The following ABCC12 variants were observed in gnomAD, a reference collection of about 807,000 sequenced individuals.
ABCC12 encodes the protein ATP binding cassette subfamily C member 12, also known as ATP-binding cassette sub-family C member 12.
A neutral mutation model predicts 151.1 loss-of-function variants in ABCC12; 142 were observed. That is an observed-to-expected ratio of 0.94 (90% CI 0.82 to 1.08). The LOEUF is 1.08. Ranked by LOEUF, ABCC12 falls within the 50% of genes least tolerant of loss-of-function variation. The pLI, the probability that ABCC12 is intolerant of heterozygous loss-of-function variation, is 0.00. For synonymous variants in ABCC12, 645 were observed against 646.4 expected (o/e 1.00, Z 0.03); for missense variants, 1,638 against 1,691.1 (o/e 0.97, Z 0.55).
chr16:48,142,351 G>A (rs2150675553), intron 4 of ABCC12, among the ~76,000 whole-genome samples: 1 of 152,336 alleles, frequency 6.6e-6, no homozygotes, highest in South Asian at 2.1e-4. Context: ...GTCAGCATGT[G>A]TTTGGTGTTT....
intron 21 of ABCC12, among the ~76,000 whole-genome samples, chr16:48,104,823 C>T (rs1224634093): frequency 6.6e-6 from 1 of 152,236 alleles, no homozygotes; most frequent in Admixed American, 6.5e-5. Context: ...CTGGAAGGAT[C>T]TCTTGAGGGC....
chr16:48,103,216 G>A (rs1471882777), intron 22 of ABCC12, among the ~76,000 whole-genome samples: 1 of 152,070 alleles, frequency 6.6e-6, no homozygotes, highest in Non-Finnish European at 1.5e-5. Flanking sequence ...CACTGGCTGG[G>A]CACGTCTAGG....
Position 48,128,519 on chromosome 16 carries a change from T to C in ABCC12, c.1455A>G (p.Pro485=), listed in dbSNP as rs144285783. The C allele has an allele frequency of 2.7e-5, 43 of 1,614,146 alleles. No homozygotes were observed. Among genetic ancestry groups the C allele is most frequent in the Non-Finnish European group, 3.6e-5 (42 of 1,180,050 alleles). Residue 485 remains proline, a synonymous_variant, in exon 11 of 31, where the codon CCA becomes CCG. Coordinates refer to ENST00000311303, the MANE Select transcript of ABCC12 (RefSeq NM_001393797.1). ...RSPPAKGATG[P]EEQSDSLKSV... is the part of the protein sequence containing the mutation. ...ATTTGAGGCTGTCACTTTGCTCCTC[T>C]GGGCCAGTGGCTCCCTTGGCTGGTG... is the stretch of plus-strand genomic sequence containing the variant.
intron 14 of ABCC12, among the ~76,000 whole-genome samples, chr16:48,116,671 C>G (rs548849266): frequency 6.6e-6 from 1 of 152,160 alleles, no homozygotes; most frequent in Admixed American, 6.5e-5. Context: ...TAGAGAAAGA[C>G]ACCCCAAACT....
chr16:48,140,703 T>G lies in ABCC12; in HGVS notation c.641A>C (p.His214Pro). 1 of 1,614,096 alleles carries G rather than the reference T, an allele frequency of 6.2e-7. No homozygotes were observed. Among genetic ancestry groups the G allele is most frequent in the Non-Finnish European group, 8.5e-7 (1 of 1,179,976 alleles). The change falls in exon 6 of 31, where the codon CAC (histidine) becomes CCC (proline). Residue 214 changes from histidine to proline, a missense_variant. By Grantham distance (77) the His-to-Pro change is moderately conservative (BLOSUM62 -2). Coordinates refer to ENST00000311303, the MANE Select transcript of ABCC12 (RefSeq NM_001393797.1). ...CCAGCTTACCTCGCCAACAGAGATG[T>G]GGGTCAATGTCTTGAAGGACACTAG... ...ENLVSFKTLT[H>P]ISVGEVLNIL...
chr16:48,127,588 G>GTTAAATAGCTA (rs1354489288), intron 11 of ABCC12, among the ~76,000 whole-genome samples: 2 of 152,226 alleles, frequency 1.3e-5, no homozygotes, highest in East Asian at 3.8e-4. Context: ...TGCTAGCTAT[G>GTTAAATAGCTA]TGACCTTGGG....
At chr16:48,088,390 A>T (rs1176146959) in intron 26 of ABCC12, among the ~76,000 whole-genome samples, 155 bp downstream of exon 26, 1 of 152,240 alleles carries the variant, frequency 6.6e-6, no homozygotes, top group Non-Finnish European at 1.5e-5. Flanking sequence ...ACACCCATTC[A>T]ACCTGAAATC....
At chr16:48,147,914 T>G (rs529696199) in intron 2 of ABCC12, among the ~76,000 whole-genome samples, 2 of 152,324 alleles carry the variant, frequency 1.3e-5, no homozygotes, top group South Asian at 4.1e-4. Flanking sequence ...TGAAAAGCTC[T>G]TTAATCATTG....
chr16:48,109,077 A>G (rs1394491951), intron 18 of ABCC12, among the ~76,000 whole-genome samples: 1 of 152,192 alleles, frequency 6.6e-6, no homozygotes, highest in Non-Finnish European at 1.5e-5. Flanking sequence ...CCGTACTTCC[A>G]GCTTGACATT....
intron 12 of ABCC12, among the ~76,000 whole-genome samples, chr16:48,123,300 C>T (rs1479330030): frequency 6.6e-6 from 1 of 152,146 alleles, no homozygotes; most frequent in African/African-American, 2.4e-5. Flanking sequence ...ACCTCTATGG[C>T]TCACGCTGAC....
intron 23 of ABCC12, among the ~76,000 whole-genome samples, chr16:48,098,112 C>T (rs1963169008): frequency 6.6e-6 from 1 of 151,364 alleles, no homozygotes; most frequent in African/African-American, 2.4e-5. Context: ...CACACACACA[C>T]ACACACACAC....
Position 48,101,013 on chromosome 16 carries a change from G to C in ABCC12, c.2901-4C>G. The stretch of plus-strand genomic sequence containing the variant: ...CTGGACTCCTCTGTGGAAAATGCTG[G>C]AAGAAAATTGAAAGGGGCCAGGTGG... On this transcript the variant is annotated splice_polypyrimidine_tract_variant and splice_region_variant and intron_variant, in intron 22 of 30. Transcript: ENST00000311303. 6.2e-7 allele frequency: 1 copy of C among 1,613,676 alleles called. No individual in the cohort carries two copies. The highest frequency in any genetic ancestry group is 8.5e-7 in the Non-Finnish European group (1 of 1,179,774).
chr16:48,098,070 A>G (rs1963165913), intron 23 of ABCC12, among the ~76,000 whole-genome samples: 1 of 145,878 alleles, frequency 6.9e-6, no homozygotes, highest in African/African-American at 2.6e-5. Context: ...GTGCTTCTCA[A>G]TTGCAAGCCT....
chr16:48,152,943 C>T (rs553324399), intron 2 of ABCC12, among the ~76,000 whole-genome samples: 1 of 152,254 alleles, frequency 6.6e-6, no homozygotes, highest in South Asian at 2.1e-4. Flanking sequence ...GATGCTTGAC[C>T]AGAAGAAAAT....
Position 48,096,733 on chromosome 16 carries a change from C to T in ABCC12, c.3195+13G>A. 1 of 1,613,718 alleles carries T rather than the reference C, an allele frequency of 6.2e-7. No homozygotes were observed. Among genetic ancestry groups the T allele is most frequent in the Non-Finnish European group, 8.5e-7 (1 of 1,179,696 alleles). ...AGCCTCCAGACTAAGCCCAACTTTG[C>T]ACCAGGCATTACCTGGATGATGTAT... is the stretch of plus-strand genomic sequence containing the variant. On this transcript the variant is annotated intron_variant, in intron 24 of 30. Transcript: ENST00000311303.
intron 11 of ABCC12, among the ~76,000 whole-genome samples, chr16:48,127,733 T>C (rs1189609478): frequency 1.3e-5 from 2 of 152,148 alleles, no homozygotes; most frequent in South Asian, 4.2e-4. Flanking sequence ...TATCAGTCAT[T>C]ATCATCTATC....
intron 3 of ABCC12, 77 bp downstream of exon 3, chr16:48,146,229 G>A (rs1964996019): frequency 7.6e-6 from 10 of 1,312,666 alleles, no homozygotes. Context: ...TGGGTTGCAG[G>A]AGCAGTGCCC....
intron 11 of ABCC12, among the ~76,000 whole-genome samples, chr16:48,125,897 C>G (rs1466488756): frequency 1.3e-5 from 2 of 152,152 alleles, no homozygotes; most frequent in East Asian, 3.8e-4. Flanking sequence ...CTTTGTGGAG[C>G]CCACATGGAT....
Position 48,086,746 on chromosome 16 carries a change from C to T in ABCC12, c.3709G>A (p.Asp1237Asn). 6.2e-7 allele frequency: 1 copy of T among 1,613,092 alleles called. No homozygotes were observed. Among genetic ancestry groups the T allele is most frequent in the African/African-American group, 1.3e-5 (1 of 74,998 alleles). Residue 1237 changes from aspartate (D) to asparagine (N), a missense_variant, in exon 28 of 31, where the codon GAC becomes AAC. Transcript: ENST00000311303. ...CAACAGCCCCAGAGACCTACTGTGT[C>T]TCTCATGAATGTTCTCTCCAGAACC... ...WQVLERTFMR[D>N]TIMKLPEKLQ... is the part of the protein sequence containing the mutation.
Sources: allele counts gnomAD v4.1 joint callset (sites outside exome capture counted in the v4.1 genomes callset), GRCh38; gene constraint gnomAD v4.1.1; transcripts MANE v1.5; gene names NCBI Gene and HGNC (gene_info 2026-07-23, HGNC 2026-07-21).